The following KIR2DL4 variants were observed in gnomAD, a reference collection of about 807,000 sequenced individuals.
The protein encoded by KIR2DL4 is killer cell immunoglobulin-like receptor 2DL4.
Under a neutral mutation model 31.0 loss-of-function variants are expected in KIR2DL4, and 41 were observed. The ratio of observed to expected loss-of-function variants is 1.32; its 90% CI spans 1.03 to 1.72. The LOEUF (loss-of-function observed/expected upper bound fraction) is 1.72. Among genes scored for constraint, KIR2DL4 ranks in the 40% most tolerant of loss-of-function variants. The pLI is 0.00. For synonymous variants in KIR2DL4, 164 were observed against 133.6 expected, an observed-to-expected ratio of 1.23 and a Z score of -1.57; for missense variants, 438 against 353.7, an observed-to-expected ratio of 1.24 and a Z score of -1.91.
rs577226306 is a variant in KIR2DL4, at chr19:54,808,987, C to T, written c.706+104C>T. 7.5e-6 allele frequency: 7 copies of T among 937,474 alleles called. 1 individual carries two copies. Among genetic ancestry groups the T allele is most frequent in the South Asian group, 1.3e-5 (1 of 76,752 alleles). 58.1% of individuals were successfully genotyped at this position (937,474 alleles called of 1,614,324 possible). A position where few individuals can be genotyped will look rare whatever the true frequency, so the allele number is the denominator to read the frequency against. On this transcript the variant is annotated intron_variant, in intron 5 of 7. Coordinates refer to ENST00000359085, the Ensembl canonical transcript of KIR2DL4. ...ACCTGCCAGCTCTGTGATTGTGGGCCTGTCTTCCATTGTCTCTGAACCCCA... is the reference window on the plus strand; with the variant it reads ...ACCTGCCAGCTCTGTGATTGTGGGCTTGTCTTCCATTGTCTCTGAACCCCA...
chr19:54,805,169 G>T, intron 3 of KIR2DL4, 92 bp downstream of exon 3: 2 of 1,283,190 alleles, frequency 1.6e-6, no homozygotes, highest in South Asian at 2.9e-5. Flanking sequence ...GATCATCCAG[G>T]CCCCAACTAT....
chr19:54,814,180 A>T, exon 8 of KIR2DL4: 1 of 1,547,774 alleles, frequency 6.5e-7, no homozygotes, highest in Non-Finnish European at 8.8e-7. Context: ...TCTCTTGCTT[A>T]CCAATGTCTA....
intron 4 of KIR2DL4, among the ~76,000 whole-genome samples, chr19:54,807,443 T>A (rs2060594460): frequency 6.6e-6 from 1 of 151,380 alleles, no homozygotes; most frequent in Non-Finnish European, 1.5e-5. Flanking sequence ...GTTTTATGCT[T>A]TTTGTTTTTT....
intron 5 of KIR2DL4, among the ~76,000 whole-genome samples, chr19:54,810,534 C>T (rs572454893): frequency 1.3e-5 from 2 of 151,598 alleles, no homozygotes; most frequent in African/African-American, 4.9e-5. Context: ...AATAGATCAA[C>T]CCCTGGAAGA....
chr19:54,805,647 G>A (rs1266011436), intron 3 of KIR2DL4, among the ~76,000 whole-genome samples: 4 of 150,890 alleles, frequency 2.7e-5, no homozygotes, highest in African/African-American at 4.9e-5. Flanking sequence ...CTCTCCTGCC[G>A]CCATGTTTGT....
rs867808456 is a variant in KIR2DL4, at chr19:54,803,660, G to T, written c.9G>T (p.Met3Ile). The change falls in exon 1 of 8, where the codon ATG becomes ATT. Residue 3 changes from methionine to isoleucine, a missense_variant. Coordinates refer to ENST00000359085, the Ensembl canonical transcript of KIR2DL4. ...GCAGCAGAAGCTGCACCATGTCCATGTCACCCACGGTCATCATCCTGGCAT... is the reference window on the plus strand; with the variant it reads ...GCAGCAGAAGCTGCACCATGTCCATTTCACCCACGGTCATCATCCTGGCAT... The T allele has an allele frequency of 3.1e-6, 5 of 1,612,300 alleles. No individual in the cohort carries two copies. The African/African-American group carries it at 6.7e-5, about 22-fold the overall frequency.
chr19:54,806,984 C>T (rs2060570223), intron 4 of KIR2DL4, among the ~76,000 whole-genome samples: 2 of 150,220 alleles, frequency 1.3e-5, no homozygotes, highest in South Asian at 2.1e-4. Context: ...CACTGCACTG[C>T]AGCCTGGTGA....
In KIR2DL4 at chr19:54,803,849, T is replaced by C. The variant is rs772945256; in HGVS notation, c.41-42T>C. On this transcript the variant is annotated intron_variant, in intron 1 of 7. Transcript: ENST00000359085. The stretch of plus-strand genomic sequence containing the variant: ...CAGTGGCTCAGGAGGAAAGGGTAGG[T>C]TGCTGCCGAGATGAATAGTTCATCA... 1.9e-6 allele frequency: 3 copies of C among 1,592,228 alleles called. 1 individual carries two copies. Among genetic ancestry groups the C allele is most frequent in the South Asian group, 2.2e-5 (2 of 89,824 alleles).
At chr19:54,807,005 C>T (rs1005826156) in intron 4 of KIR2DL4, among the ~76,000 whole-genome samples, 6 of 137,430 alleles carry the variant, frequency 4.4e-5, no homozygotes, top group South Asian at 2.3e-4. Flanking sequence ...CACAGAGAGA[C>T]TCTGTCTCTA....
intron 3 of KIR2DL4, 39 bp from the exon 4 acceptor site, chr19:54,805,912 G>A: frequency 3.9e-6 from 6 of 1,556,228 alleles, no homozygotes; most frequent in Non-Finnish European, 4.3e-6. Flanking sequence ...CTGTGACAAG[G>A]AAGAACCTCC....
intron 6 of KIR2DL4, 113 bp from the exon 6 acceptor site, chr19:54,813,577 C>A: frequency 9.3e-7 from 1 of 1,080,850 alleles, no homozygotes; most frequent in Non-Finnish European, 1.4e-6. Flanking sequence ...TGGCTGTTGG[C>A]AGCTGAGGGA....
intron 1 of KIR2DL4, 93 bp from the exon 2 acceptor site, chr19:54,803,798 G>A: frequency 6.4e-7 from 1 of 1,568,252 alleles, no homozygotes; most frequent in Non-Finnish European, 8.8e-7. Flanking sequence ...GTGAGGATGA[G>A]TTAATTTTCA....
chr19:54,812,958 A>G (rs1440031852), intron 5 of KIR2DL4, among the ~76,000 whole-genome samples: 3 of 143,216 alleles, frequency 2.1e-5, no homozygotes, highest in Admixed American at 1.4e-4. Flanking sequence ...TATTGTTATT[A>G]TGAAAACTAT....
chr19:54,809,688 C>T (rs1390448529), intron 5 of KIR2DL4, among the ~76,000 whole-genome samples: 2 of 151,294 alleles, frequency 1.3e-5, no homozygotes, highest in East Asian at 1.9e-4. Flanking sequence ...GCCTCTCACA[C>T]GGCATCACTC....
chr19:54,807,755 G>A (rs1362412350), intron 4 of KIR2DL4, among the ~76,000 whole-genome samples: 18 of 148,792 alleles, frequency 1.2e-4, no homozygotes, highest in Non-Finnish European at 1.0e-4. Context: ...AGTTTTTAAG[G>A]AACTTCCATA....
At chr19:54,805,791 C>T (rs1356011824) in intron 3 of KIR2DL4, among the ~76,000 whole-genome samples, 160 bp from the exon 4 acceptor site, 3 of 150,348 alleles carry the variant, frequency 2.0e-5, no homozygotes, top group Non-Finnish European at 4.4e-5. Flanking sequence ...CAGGCTGGAA[C>T]CACATAGGGA....
At chr19:54,808,956 C>T in intron 5 of KIR2DL4, 73 bp downstream of exon 5, 1 of 1,183,238 alleles carries the variant, frequency 8.5e-7, no homozygotes, top group Non-Finnish European at 1.3e-6. Flanking sequence ...CAAGCGTTGG[C>T]TCAGCACCTG....
chr19:54,806,188 A>T (rs956068523), exon 4 of KIR2DL4: 1 of 1,611,274 alleles, frequency 6.2e-7, no homozygotes, highest in Non-Finnish European at 8.5e-7. Flanking sequence ...GGCTCTTTCC[A>T]TGGATCTCCC....
At chr19:54,812,500 T>A (rs2060921864) in intron 5 of KIR2DL4, among the ~76,000 whole-genome samples, 1 of 150,984 alleles carries the variant, frequency 6.6e-6, no homozygotes, top group Non-Finnish European at 1.5e-5. Flanking sequence ...TGTCTTAGCC[T>A]ATTTTTGTTG....
Sources: allele counts gnomAD v4.1 joint callset (sites outside exome capture counted in the v4.1 genomes callset), GRCh38; gene constraint gnomAD v4.1.1; transcripts MANE v1.5; gene names NCBI Gene and HGNC (gene_info 2026-07-23, HGNC 2026-07-21).